The following NLGN1 variants were observed in gnomAD, a reference collection of about 807,000 sequenced individuals.
NLGN1 encodes neuroligin 1, also known as neuroligin-1.
A neutral mutation model predicts 65.5 loss-of-function variants in NLGN1; 12 were observed. The ratio of observed to expected loss-of-function variants is 0.18; its 90% confidence interval spans 0.12 to 0.30. The LOEUF (loss-of-function observed/expected upper bound fraction) is 0.30. NLGN1 is among the 10% of genes least tolerant of loss of function. The pLI, the probability that NLGN1 is intolerant of heterozygous loss-of-function variation, is 1.00. For missense variants in NLGN1, 750 were observed against 1,007.1 expected, an observed-to-expected ratio of 0.74 and a Z score of 3.46; for synonymous variants, 350 against 359.5, an observed-to-expected ratio of 0.97 and a Z score of 0.30.
At chr3:173,872,402 T>A (rs1731340635) in intron 4 of NLGN1, among the ~76,000 whole-genome samples, 1 of 152,238 alleles carries the variant, frequency 6.6e-6, no homozygotes, top group Non-Finnish European at 1.5e-5. Context: ...AATAGCTTCT[T>A]GGCCATGTTC....
intron 4 of NLGN1, among the ~76,000 whole-genome samples, chr3:174,142,553 A>T (rs956674213): frequency 1.2e-4 from 19 of 152,284 alleles, no homozygotes; most frequent in African/African-American, 4.6e-4. Context: ...TTACAGTAGA[A>T]ATGTGAACTT....
intron 4 of NLGN1, among the ~76,000 whole-genome samples, chr3:173,858,991 C>A (rs528622393): frequency 6.6e-6 from 1 of 152,074 alleles, no homozygotes; most frequent in African/African-American, 2.4e-5. Flanking sequence ...TAGAGAAAAT[C>A]ATAATGTAAA....
At chr3:174,185,491 G>C (rs1211872349) in intron 4 of NLGN1, among the ~76,000 whole-genome samples, 1 of 151,998 alleles carries the variant, frequency 6.6e-6, no homozygotes, top group Admixed American at 6.6e-5. Context: ...CTGGCTAGTG[G>C]CTACTGTACT....
chr3:173,942,910 A>T (rs1746417031), intron 4 of NLGN1, among the ~76,000 whole-genome samples: 1 of 152,158 alleles, frequency 6.6e-6, no homozygotes, highest in South Asian at 2.1e-4. Context: ...TGACAGTGTA[A>T]CATATTGGTA....
chr3:173,841,499 G>C (rs1303571559), intron 4 of NLGN1, among the ~76,000 whole-genome samples: 1 of 152,160 alleles, frequency 6.6e-6, no homozygotes, highest in Non-Finnish European at 1.5e-5. Flanking sequence ...TGGTGAGATA[G>C]TGAGGTGATA....
chr3:174,109,784 T>G (rs1252522372), intron 4 of NLGN1, among the ~76,000 whole-genome samples: 2 of 152,070 alleles, frequency 1.3e-5, no homozygotes, highest in East Asian at 3.9e-4. Context: ...TCCAGTTTTG[T>G]GTTTAATGTT....
chr3:173,472,895 C>T (rs1461810549), intron 2 of NLGN1, among the ~76,000 whole-genome samples: 2 of 152,102 alleles, frequency 1.3e-5, no homozygotes, highest in Non-Finnish European at 2.9e-5. Flanking sequence ...TAATCTGCCC[C>T]TTTAGGAGTC....
intron 4 of NLGN1, among the ~76,000 whole-genome samples, chr3:173,881,390 C>T (rs2150927815): frequency 6.7e-6 from 1 of 148,972 alleles, no homozygotes; most frequent in African/African-American, 2.5e-5. Context: ...AGCCACTGCG[C>T]CCAGCCAGGC....
At chr3:173,554,702 G>A (rs1474754480) in intron 2 of NLGN1, among the ~76,000 whole-genome samples, 1 of 151,970 alleles carries the variant, frequency 6.6e-6, no homozygotes, top group African/African-American at 2.4e-5. Flanking sequence ...TCAGTTTTTG[G>A]TTCCTTTGAA....
intron 4 of NLGN1, among the ~76,000 whole-genome samples, chr3:174,135,007 C>G (rs1720947538): frequency 6.6e-6 from 1 of 152,080 alleles, no homozygotes; most frequent in African/African-American, 2.4e-5. Context: ...GAAAAAAACC[C>G]CGCAATTTAG....
chr3:173,633,464 C>T (rs1400818072), intron 3 of NLGN1, among the ~76,000 whole-genome samples: 3 of 152,098 alleles, frequency 2.0e-5, no homozygotes, highest in South Asian at 2.1e-4. Flanking sequence ...CATTGAGCTA[C>T]AAGGTAAGTG....
At position 173,842,125 on chromosome 3, in the gene NLGN1, C is replaced by G. The variant is rs568525085; in HGVS notation, c.646+34293C>G. On this transcript the variant is annotated intron_variant, in intron 4 of 6. Coordinates refer to ENST00000457714, the Ensembl canonical transcript of NLGN1. ...GGATGGCAGCAGGCAAAAAGAAGAG[C>G]TAGTGCAGGGGAACTCCCATTTTTA... Among the ~76,000 whole-genome samples, 12 of 152,286 alleles carry G rather than the reference C, an allele frequency of 7.9e-5. No individual in the cohort carries two copies. In the South Asian group the frequency reaches 2.5e-3, roughly 32 times the overall value.
intron 4 of NLGN1, among the ~76,000 whole-genome samples, chr3:174,186,020 T>C (rs567982304): frequency 1.3e-5 from 2 of 152,098 alleles, no homozygotes; most frequent in African/African-American, 2.4e-5. Flanking sequence ...AGGTACCCAA[T>C]AAATTTTACA....
chr3:173,992,217 A>G (rs1721266331), intron 4 of NLGN1, among the ~76,000 whole-genome samples: 1 of 152,218 alleles, frequency 6.6e-6, no homozygotes, highest in South Asian at 2.1e-4. Context: ...TATGTATATT[A>G]TTCATAAGTA....
At chr3:173,959,956 A>T (rs922110097) in intron 4 of NLGN1, among the ~76,000 whole-genome samples, 7 of 151,980 alleles carry the variant, frequency 4.6e-5, no homozygotes, top group East Asian at 1.9e-4. Context: ...TTTTTGTTTA[A>T]TCAACCATAT....
At chr3:173,675,476 T>C (rs1762995563) in intron 3 of NLGN1, among the ~76,000 whole-genome samples, 1 of 152,060 alleles carries the variant, frequency 6.6e-6, no homozygotes, top group South Asian at 2.1e-4. Context: ...CTCTGAGAAG[T>C]CTTTACGTAA....
At chr3:173,584,060 A>C (rs1392245648) in intron 2 of NLGN1, among the ~76,000 whole-genome samples, 2 of 149,262 alleles carry the variant, frequency 1.3e-5, no homozygotes, top group Non-Finnish European at 3.0e-5. Flanking sequence ...CCATTGGGGA[A>C]ATTTTTGTAG....
intron 3 of NLGN1, chr3:173,800,325 G>A: frequency 8.2e-7 from 1 of 1,217,780 alleles, no homozygotes; most frequent in South Asian, 1.4e-5. Context: ...AGATGATTTA[G>A]GTGATAATGA....
At chr3:174,053,920 T>C (rs1287490525) in intron 4 of NLGN1, among the ~76,000 whole-genome samples, 1 of 151,986 alleles carries the variant, frequency 6.6e-6, no homozygotes, top group Non-Finnish European at 1.5e-5. Context: ...TATAAGGATT[T>C]CTGAAATTTT....
Sources: gnomAD v4.1 joint callset for allele counts (sites outside exome capture counted in the v4.1 genomes callset) on GRCh38, gnomAD v4.1.1 for gene constraint, MANE v1.5 for transcripts, NCBI Gene and HGNC (gene_info 2026-07-23, HGNC 2026-07-21) for gene names.